Variants in ZNF277 observed in about 807,000 individuals in gnomAD.
ZNF277 encodes nuclear receptor-interacting factor 4.
In ZNF277, 55 loss-of-function variants were observed where a neutral mutation model predicts 60.7. That is an observed-to-expected ratio of 0.91 (90% CI 0.73 to 1.13). ZNF277 has a LOEUF of 1.13. ZNF277 is among the 50% of genes most tolerant of loss of function. The probability of loss-of-function intolerance (pLI) is 0.00; values close to 1 mark genes in which losing one functional copy is unlikely to be tolerated. For missense variants in ZNF277, 510 were observed against 523.0 expected (o/e 0.98, Z 0.24); for synonymous variants, 178 against 179.3 (o/e 0.99, Z 0.06).
Position 112,332,120 on chromosome 7 carries a change from G to A in ZNF277, c.801+1904G>A, listed in dbSNP as rs80346433. ...ATACAGGGCACGGATTTGATGTGGC[G>A]TGGACTACACATTAAGAGAAGTGTT... On this transcript the variant is annotated intron_variant, in intron 7 of 11. Coordinates refer to ENST00000361822, the MANE Select transcript of ZNF277 (RefSeq NM_021994.3). Among the ~76,000 whole-genome samples, 62 of 152,294 alleles carry A rather than the reference G, an allele frequency of 4.1e-4. No homozygotes were observed. The East Asian group carries it at 0.01, about 25-fold the overall frequency.
intron 1 of ZNF277, among the ~76,000 whole-genome samples, chr7:112,272,037 T>G (rs1791680230): frequency 6.6e-6 from 1 of 152,186 alleles, no homozygotes; most frequent in Non-Finnish European, 1.5e-5. Flanking sequence ...CTAGCTCTTA[T>G]TTAATCTAAC....
intron 1 of ZNF277, among the ~76,000 whole-genome samples, chr7:112,260,172 G>A (rs1035602165): frequency 1.3e-5 from 2 of 152,118 alleles, no homozygotes; most frequent in East Asian, 3.9e-4. Flanking sequence ...AGGCTGAGAT[G>A]GGAGAATCTC....
chr7:112,244,904 A>G (rs1258467912), intron 1 of ZNF277, among the ~76,000 whole-genome samples: 3 of 152,208 alleles, frequency 2.0e-5, no homozygotes, highest in African/African-American at 4.8e-5. Flanking sequence ...AAATTCATCA[A>G]GTAATTATGA....
Position 112,312,428 on chromosome 7 carries a change from T to C in ZNF277, c.466-5754T>C, listed in dbSNP as rs139930371. On this transcript the variant is annotated intron_variant, in intron 4 of 11. Transcript: ENST00000361822. ...TCTGGACACTACAAGCTATTTTAAA[T>C]TTACTGTTGATTTTCTTACTTGTGA... Among the ~76,000 whole-genome samples the C allele has an allele frequency of 1.8e-4, 27 of 152,200 alleles. No individual in the cohort carries two copies. The East Asian group carries it at 4.8e-3, about 27-fold the overall frequency.
intron 1 of ZNF277, among the ~76,000 whole-genome samples, chr7:112,210,843 TA>T (rs891576315): frequency 6.6e-6 from 1 of 152,206 alleles, no homozygotes; most frequent in African/African-American, 2.4e-5. Flanking sequence ...ATTTGTCTCC[TA>T]AAATTAAGAA....
intron 7 of ZNF277, among the ~76,000 whole-genome samples, chr7:112,331,828 C>G (rs1335703838): frequency 6.6e-6 from 1 of 152,206 alleles, no homozygotes; most frequent in Non-Finnish European, 1.5e-5. Context: ...GCTACTGCAT[C>G]TAGCTATAGG....
At chr7:112,209,232 A>G (rs1821672061) in intron 1 of ZNF277, among the ~76,000 whole-genome samples, 1 of 152,166 alleles carries the variant, frequency 6.6e-6, no homozygotes, top group Non-Finnish European at 1.5e-5. Flanking sequence ...ATGTACATAT[A>G]TTCTTGCCCA....
chr7:112,264,808 G>A (rs577307989), intron 1 of ZNF277, among the ~76,000 whole-genome samples: 1 of 151,990 alleles, frequency 6.6e-6, no homozygotes, highest in Non-Finnish European at 1.5e-5. Context: ...GTGCAATAAT[G>A]GTATTATGTC....
chr7:112,246,228 A>AC lies in ZNF277; in HGVS notation c.91+39422dup, dbSNP rs1266514640. 2.6e-5 allele frequency among the ~76,000 whole-genome samples: 4 copies of AC among 152,012 alleles called. No individual in the cohort carries two copies. In the East Asian group the frequency reaches 5.9e-4, roughly 22 times the overall value. On this transcript the variant is annotated intron_variant, in intron 1 of 11. Coordinates refer to ENST00000361822, the MANE Select transcript of ZNF277 (RefSeq NM_021994.3). ...GCAACACCCCATCCCTACAAAAGAT[A>AC]CAAAAAAAAATTAGCCAGGCATGAT...
At chr7:112,262,848 T>TA (rs375726957) in intron 1 of ZNF277, among the ~76,000 whole-genome samples, 2 of 152,024 alleles carry the variant, frequency 1.3e-5, no homozygotes, top group Non-Finnish European at 2.9e-5. Context: ...ACAGTGTCCA[T>TA]AAAAAAATAA....
In ZNF277 at chr7:112,339,894, G is replaced by T; in HGVS notation, c.1009+9G>T. On this transcript the variant is annotated intron_variant, in intron 10 of 11. Transcript: ENST00000361822. The stretch of plus-strand genomic sequence containing the variant: ...AATAAAGTCAGAACTTGGTAAGTTT[G>T]ATTCAGAGGTTTTTTTCTGTGATGC... 2 of 1,608,456 alleles carry T rather than the reference G, an allele frequency of 1.2e-6. No homozygotes were observed. The highest frequency in any genetic ancestry group is 1.1e-5 in the South Asian group (1 of 91,014).
intron 1 of ZNF277, among the ~76,000 whole-genome samples, chr7:112,234,359 C>G (rs117488255): frequency 6.6e-6 from 1 of 152,270 alleles, no homozygotes; most frequent in Non-Finnish European, 1.5e-5. Flanking sequence ...AAGGTATCAA[C>G]AAATTTGATG....
intron 7 of ZNF277, among the ~76,000 whole-genome samples, chr7:112,335,568 A>T (rs1793313435): frequency 6.6e-6 from 1 of 152,178 alleles, no homozygotes; most frequent in South Asian, 2.1e-4. Flanking sequence ...ATTTCTTTAT[A>T]GACAGTAACT....
intron 9 of ZNF277, among the ~76,000 whole-genome samples, chr7:112,338,580 C>T (rs573671005): frequency 6.6e-6 from 1 of 152,172 alleles, no homozygotes; most frequent in South Asian, 2.1e-4. Context: ...ATATTCTCTA[C>T]TTTCACCCAC....
chr7:112,250,225 G>T (rs1481960901), intron 1 of ZNF277, among the ~76,000 whole-genome samples: 1 of 152,040 alleles, frequency 6.6e-6, no homozygotes, highest in Non-Finnish European at 1.5e-5. Flanking sequence ...CTCCCATAGC[G>T]CTCCCAGGCT....
chr7:112,254,739 C>G (rs756660935), intron 1 of ZNF277, among the ~76,000 whole-genome samples: 2 of 152,098 alleles, frequency 1.3e-5, no homozygotes, highest in Admixed American at 6.5e-5. Context: ...GAGGCCAAAG[C>G]GGGAAGATTG....
chr7:112,307,588 T>G (rs1040482457), intron 4 of ZNF277, among the ~76,000 whole-genome samples: 5 of 151,980 alleles, frequency 3.3e-5, no homozygotes, highest in African/African-American at 1.2e-4. Context: ...CTAATTTTTT[T>G]GTATTTTAAA....
chr7:112,281,321 C>CT (rs1791938775), intron 1 of ZNF277, among the ~76,000 whole-genome samples: 1 of 152,126 alleles, frequency 6.6e-6, no homozygotes, highest in South Asian at 2.1e-4. Flanking sequence ...AATTTGGAAA[C>CT]CACTGCTCTA....
intron 7 of ZNF277, among the ~76,000 whole-genome samples, chr7:112,334,360 G>GTCTTA (rs1487424900): frequency 6.7e-6 from 1 of 148,156 alleles, no homozygotes; most frequent in Non-Finnish European, 1.5e-5. Flanking sequence ...TTCCTGACAT[G>GTCTTA]ATTCATTAGC....
Sources: gnomAD v4.1 joint callset for allele counts (sites outside exome capture counted in the v4.1 genomes callset) on GRCh38, gnomAD v4.1.1 for gene constraint, MANE v1.5 for transcripts, NCBI Gene and HGNC (gene_info 2026-07-23, HGNC 2026-07-21) for gene names.